Variants in NPFFR1 observed in about 807,000 individuals in gnomAD.
NPFFR1 encodes G-protein coupled receptor 147.
Under a neutral mutation model 12.7 loss-of-function variants are expected in NPFFR1, and 17 were observed. The ratio of observed to expected loss-of-function variants is 1.34; its 90% CI spans 0.92 to 2.01. NPFFR1 has a LOEUF of 2.01. Among genes scored for constraint, NPFFR1 ranks in the 30% most tolerant of loss-of-function variants. NPFFR1 has a pLI of 0.00. For synonymous variants in NPFFR1, 296 were observed against 264.5 expected (o/e 1.12, Z -1.16); for missense variants, 604 against 606.5 (o/e 1.00, Z 0.04).
At chr10:70,276,646 G>A (rs1840808015) in intron 1 of NPFFR1, among the ~76,000 whole-genome samples, 2 of 142,112 alleles carry the variant, frequency 1.4e-5, no homozygotes, top group African/African-American at 5.2e-5. Flanking sequence ...GGAGTGCAGT[G>A]GCGCGATCTG....
chr10:70,257,803 G>T (rs906609849), intron 3 of NPFFR1, among the ~76,000 whole-genome samples: 8 of 152,238 alleles, frequency 5.3e-5, no homozygotes, highest in Non-Finnish European at 7.3e-5. Context: ...CCACCCTATG[G>T]TGGGAGGTGA....
At chr10:70,260,090 C>T (rs992734077) in intron 3 of NPFFR1, among the ~76,000 whole-genome samples, 3 of 152,238 alleles carry the variant, frequency 2.0e-5, no homozygotes, top group Non-Finnish European at 4.4e-5. Context: ...CCTGGCTCTG[C>T]TCCATACCTT....
rs1420999336 is a variant in NPFFR1 at position 70,253,358 on chromosome 10, C to T, written c.*1599G>A. ...ATTACCAGCTCTCCCGTCATCCCCACCTTCCTTGAAAGGCAGCATGTGGGG... is the reference window on the plus strand; with the variant it reads ...ATTACCAGCTCTCCCGTCATCCCCATCTTCCTTGAAAGGCAGCATGTGGGG... On this transcript the variant is annotated 3_prime_UTR_variant, in exon 4 of 4. Transcript: ENST00000277942. The T allele has an allele frequency of 6.6e-6, 1 of 152,142 alleles. No homozygotes were observed. Among genetic ancestry groups the T allele is most frequent in the Non-Finnish European group, 1.5e-5 (1 of 68,032 alleles). The allele number at this position is 152,142 out of a possible 1,614,324, so 9.4% of individuals were successfully genotyped here.
rs1372168008 is a variant in NPFFR1, at chr10:70,248,819, T to G, written c.*6138A>C. On this transcript the variant is annotated 3_prime_UTR_variant, in exon 4 of 4. Coordinates refer to ENST00000277942, the MANE Select transcript of NPFFR1 (RefSeq NM_022146.5). ...GCTTTTAATAGACACTGAATACATG[T>G]TTTGAGTTAACCAGAAATTTAATTA... 2 of 152,146 alleles carry G rather than the reference T, an allele frequency of 1.3e-5. No homozygotes were observed. The highest frequency in any genetic ancestry group is 2.9e-5 in the Non-Finnish European group (2 of 68,020). The allele number at this position is 152,146 out of a possible 1,614,324, so 9.4% of individuals were successfully genotyped here. A position where few individuals can be genotyped will look rare whatever the true frequency, so the allele number is the denominator to read the frequency against.
intron 1 of NPFFR1, among the ~76,000 whole-genome samples, chr10:70,267,352 T>C (rs1840704216): frequency 6.6e-6 from 1 of 152,222 alleles, no homozygotes; most frequent in Non-Finnish European, 1.5e-5. Context: ...TCCACATCTA[T>C]TATTTTATTT....
At chr10:70,274,809 C>G (rs1348918199) in intron 1 of NPFFR1, among the ~76,000 whole-genome samples, 1 of 152,230 alleles carries the variant, frequency 6.6e-6, no homozygotes, top group Non-Finnish European at 1.5e-5. Flanking sequence ...CATTAGCTAT[C>G]TGCCAGGCAG....
Position 70,255,932 on chromosome 10 carries a change from G to A in NPFFR1, c.423-105C>T. The A allele has an allele frequency of 1.5e-6, 2 of 1,297,614 alleles. No homozygotes were observed. The highest frequency in any genetic ancestry group is 2.1e-6 in the Non-Finnish European group (2 of 947,764). The allele number at this position is 1,297,614 out of a possible 1,614,324, so 80.4% of individuals were successfully genotyped here. On this transcript the variant is annotated intron_variant, in intron 3 of 3. Coordinates refer to ENST00000277942, the MANE Select transcript of NPFFR1 (RefSeq NM_022146.5). This position sits in a 1 kb window ranked among gnomAD's most constrained non-coding sequence, Gnocchi z 4.2. Reference sequence around the variant, plus strand: ...CCTGACCTTCATCATCGCATCTAGGGCGGCGTCGAAGAACAGCTCAGACCT... The same window carrying A: ...CCTGACCTTCATCATCGCATCTAGGACGGCGTCGAAGAACAGCTCAGACCT...
At position 70,266,135 on chromosome 10, in the gene NPFFR1, A is replaced by C; in HGVS notation, c.264T>G (p.Ser88Arg). The C allele has an allele frequency of 6.2e-7, 1 of 1,614,062 alleles. No homozygotes were observed. Among genetic ancestry groups the C allele is most frequent in the Non-Finnish European group, 8.5e-7 (1 of 1,179,894 alleles). ...TNMFILNLAV[S>R]DLLVGIFCMP... is the part of the protein sequence containing the mutation. ...TGCAGAAGATGCCCACCAGCAGGTC[A>C]CTGACAGCCAGGTTGAGGATGAACA... The change falls in exon 2 of 4, where the codon AGT becomes AGG. Residue 88 changes from serine (S) to arginine (R), a missense_variant. Ser to Arg is a moderately radical substitution (Grantham distance 110). Coordinates refer to ENST00000277942, the MANE Select transcript of NPFFR1 (RefSeq NM_022146.5).
intron 1 of NPFFR1, among the ~76,000 whole-genome samples, chr10:70,280,618 G>T (rs1224765907): frequency 6.6e-6 from 1 of 152,076 alleles, no homozygotes; most frequent in Non-Finnish European, 1.5e-5. Context: ...TCCTGGATTT[G>T]TTCTTAGTGA....
chr10:70,265,683 A>AAT (rs1279805258), intron 2 of NPFFR1, among the ~76,000 whole-genome samples: 1 of 152,206 alleles, frequency 6.6e-6, no homozygotes, highest in Non-Finnish European at 1.5e-5. Flanking sequence ...GGTATAATAC[A>AAT]ATAATTAGAA....
intron 1 of NPFFR1, among the ~76,000 whole-genome samples, chr10:70,274,929 G>C (rs968732893): frequency 6.6e-6 from 1 of 152,194 alleles, no homozygotes; most frequent in African/African-American, 2.4e-5. Flanking sequence ...AGTAAAAAGT[G>C]GATGTGGCAG....
chr10:70,273,227 G>T (rs527276623), intron 1 of NPFFR1, among the ~76,000 whole-genome samples: 14 of 152,156 alleles, frequency 9.2e-5, no homozygotes, highest in African/African-American at 3.1e-4. Context: ...GGATGGGGTT[G>T]TTCAGGCACT....
chr10:70,274,051 T>A (rs570083622), intron 1 of NPFFR1, among the ~76,000 whole-genome samples: 1 of 152,266 alleles, frequency 6.6e-6, no homozygotes, highest in Admixed American at 6.5e-5. Context: ...GGCCATGTAA[T>A]CTTCCACGGA....
chr10:70,255,446 C>T lies in NPFFR1; in HGVS notation c.804G>A (p.Val268=). Residue 268 remains valine, a synonymous_variant, in exon 4 of 4, where the codon GTG becomes GTA. Coordinates refer to ENST00000277942, the MANE Select transcript of NPFFR1 (RefSeq NM_022146.5). This position sits in a 1 kb window ranked among gnomAD's most constrained non-coding sequence, Gnocchi z 4.2. ...GCGCCACCATGACCAGCATGTGCAC[C>T]ACGCGCGCTCTGCGCCGCGATGCTC... ...DPRASRRRAR[V]VHMLVMVALF... The T allele has an allele frequency of 6.5e-7, 1 of 1,548,074 alleles. No individual in the cohort carries two copies. Among genetic ancestry groups the T allele is most frequent in the Non-Finnish European group, 8.7e-7 (1 of 1,146,580 alleles).
rs1411538287 is a variant in NPFFR1 at position 70,248,414 on chromosome 10, G to T, written c.*6543C>A. 4 of 148,290 alleles carry T rather than the reference G, an allele frequency of 2.7e-5. No homozygotes were observed. In the East Asian group the frequency reaches 7.8e-4, roughly 29 times the overall value. The allele number at this position is 148,290 out of a possible 1,614,324, so 9.2% of individuals were successfully genotyped here. ...AGTTCCTGTCCTCATGGAGCTTATG[G>T]TCCACTGTGAGAAATAAATAACAGA... On this transcript the variant is annotated 3_prime_UTR_variant, in exon 4 of 4. Transcript: ENST00000277942.
chr10:70,254,820 C>T lies in NPFFR1; in HGVS notation c.*137G>A. 1 of 1,043,182 alleles carries T rather than the reference C, an allele frequency of 9.6e-7. No individual in the cohort carries two copies. The highest frequency in any genetic ancestry group is 1.3e-6 in the Non-Finnish European group (1 of 796,194). 64.6% of individuals were successfully genotyped at this position (1,043,182 alleles called of 1,614,324 possible). A position where few individuals can be genotyped will look rare whatever the true frequency, so the allele number is the denominator to read the frequency against. ...AAGGCAGCAGAGAAGACATCACCAG[C>T]AGCTGCCCACCACTGCCTGGCTCTG... is the stretch of plus-strand genomic sequence containing the variant. On this transcript the variant is annotated 3_prime_UTR_variant, in exon 4 of 4. Coordinates refer to ENST00000277942, the MANE Select transcript of NPFFR1 (RefSeq NM_022146.5).
At position 70,253,337 on chromosome 10, in the gene NPFFR1, C is replaced by T. The variant is rs1326514538; in HGVS notation, c.*1620G>A. 6.6e-6 allele frequency: 1 copy of T among 152,118 alleles called. No homozygotes were observed. Among genetic ancestry groups the T allele is most frequent in the Admixed American group, 6.5e-5 (1 of 15,284 alleles). 9.4% of individuals were successfully genotyped at this position (152,118 alleles called of 1,614,324 possible). A position where few individuals can be genotyped will look rare whatever the true frequency, so the allele number is the denominator to read the frequency against. On this transcript the variant is annotated 3_prime_UTR_variant, in exon 4 of 4. Coordinates refer to ENST00000277942, the MANE Select transcript of NPFFR1 (RefSeq NM_022146.5). ...GGCAAAAAAGCCTTTGGGGAAATTA[C>T]CAGCTCTCCCGTCATCCCCACCTTC...
intron 2 of NPFFR1, among the ~76,000 whole-genome samples, chr10:70,263,035 C>T (rs940866308): frequency 6.6e-6 from 1 of 152,040 alleles, no homozygotes; most frequent in Non-Finnish European, 1.5e-5. Context: ...TACATGGTGG[C>T]GCATTTCTGT....
chr10:70,268,796 C>A (rs4746986), intron 1 of NPFFR1, among the ~76,000 whole-genome samples: 151,766 of 152,338 alleles, frequency 1, 75,601 homozygotes, highest in East Asian at 1. Flanking sequence ...TTTATTGGCC[C>A]AAGTAAGTCA....
Sources: allele counts gnomAD v4.1 joint callset (sites outside exome capture counted in the v4.1 genomes callset), GRCh38; gene constraint gnomAD v4.1.1; non-coding constraint Gnocchi (gnomAD v3.1); transcripts MANE v1.5; gene names NCBI Gene and HGNC (gene_info 2026-07-23, HGNC 2026-07-21).